ADCY8: variants seen among roughly 807,000 people sequenced by gnomAD.
The protein encoded by ADCY8 is adenylate cyclase 8.
In ADCY8, 51 loss-of-function variants were observed where a neutral mutation model predicts 119.7. The observed-to-expected ratio is 0.43, with a 90% CI of 0.34 to 0.54. The LOEUF (loss-of-function observed/expected upper bound fraction) is 0.54. Ranked by LOEUF, ADCY8 falls within the 20% of genes least tolerant of loss-of-function variation. The pLI, the probability that ADCY8 is intolerant of heterozygous loss-of-function variation, is 0.03. For synonymous variants in ADCY8, 665 were observed against 651.0 expected, an observed-to-expected ratio of 1.02 and a Z score of -0.33; for missense variants, 1,383 against 1,598.8, an observed-to-expected ratio of 0.87 and a Z score of 2.30.
At chr8:130,918,014 C>A (rs7831098) in intron 5 of ADCY8, among the ~76,000 whole-genome samples, 61,066 of 151,774 alleles carry the variant, frequency 0.4, 12,617 homozygotes, top group East Asian at 0.6. Context: ...TGGGTTGGGG[C>A]CATCGTTTCT....
intron 4 of ADCY8, among the ~76,000 whole-genome samples, chr8:130,941,052 A>G (rs72714481): frequency 0.091 from 13,853 of 152,302 alleles, 682 homozygotes; most frequent in African/African-American, 0.1. Context: ...AGACTCTCAA[A>G]GCAAAAACAT....
intron 9 of ADCY8, among the ~76,000 whole-genome samples, chr8:130,854,814 C>T (rs148005220): frequency 0.073 from 7,826 of 107,064 alleles, 334 homozygotes; most frequent in Middle Eastern, 0.14. Flanking sequence ...TCCCTCCCTC[C>T]CTCCCTCCCT....
At chr8:130,887,963 A>T (rs1819050058) in intron 7 of ADCY8, among the ~76,000 whole-genome samples, 1 of 152,162 alleles carries the variant, frequency 6.6e-6, no homozygotes, top group Non-Finnish European at 1.5e-5. Context: ...GTCATACTGG[A>T]ATGAGCTATT....
intron 12 of ADCY8, among the ~76,000 whole-genome samples, chr8:130,827,713 C>A (rs1727421686): frequency 6.6e-6 from 1 of 152,166 alleles, no homozygotes; most frequent in Non-Finnish European, 1.5e-5. Flanking sequence ...CTACCCCAGA[C>A]AATGTAGCTG....
chr8:130,796,799 T>G (rs1403587463), intron 15 of ADCY8, among the ~76,000 whole-genome samples: 4 of 148,206 alleles, frequency 2.7e-5, no homozygotes, highest in Non-Finnish European at 6.0e-5. Context: ...CCTTCTTCTC[T>G]TCATCGCTGC....
At chr8:131,039,109 C>T (rs1824262809) in intron 1 of ADCY8, among the ~76,000 whole-genome samples, 2 of 152,190 alleles carry the variant, frequency 1.3e-5, no homozygotes, top group African/African-American at 4.8e-5. Context: ...AGAAAGCAGA[C>T]TTTCTTAGCT....
chr8:130,953,353 G>A (rs968790447), intron 2 of ADCY8, among the ~76,000 whole-genome samples: 4 of 152,146 alleles, frequency 2.6e-5, no homozygotes, highest in African/African-American at 9.7e-5. Context: ...TTATTTATGG[G>A]TATTAAGCAT....
intron 1 of ADCY8, among the ~76,000 whole-genome samples, chr8:131,034,048 C>T (rs1183184505): frequency 7.2e-5 from 11 of 151,892 alleles, no homozygotes; most frequent in Admixed American, 6.6e-4. Context: ...TTAAGAAATG[C>T]ACACCATAAC....
intron 11 of ADCY8, among the ~76,000 whole-genome samples, chr8:130,846,828 TCCCTCCCCTCC>T (rs1817330785): frequency 8.3e-5 from 5 of 60,474 alleles, no homozygotes; most frequent in Admixed American, 4.1e-4. Context: ...TTTCCTTCCT[TCCCTCCCCTCC>T]CCTTCCTTCC....
At chr8:130,936,072 C>CGTGTGTGTGTGT (rs1563735585) in intron 5 of ADCY8, among the ~76,000 whole-genome samples, 1 of 97,082 alleles carries the variant, frequency 1.0e-5, no homozygotes, top group African/African-American at 4.8e-5. Flanking sequence ...CAAGCACTGA[C>CGTGTGTGTGTGT]ATGTGTGTGT....
intron 1 of ADCY8, among the ~76,000 whole-genome samples, chr8:131,011,909 A>T (rs912875809): frequency 1.3e-5 from 2 of 152,134 alleles, no homozygotes; most frequent in African/African-American, 2.4e-5. Flanking sequence ...ACCCTCCAGG[A>T]CATAGTGGAC....
chr8:130,964,250 C>T (rs1821695136), intron 2 of ADCY8, among the ~76,000 whole-genome samples: 1 of 152,210 alleles, frequency 6.6e-6, no homozygotes, highest in Admixed American at 6.5e-5. Flanking sequence ...AACCCACTCT[C>T]TTCAATCACT....
At chr8:130,813,157 C>G (rs549776248) in intron 14 of ADCY8, among the ~76,000 whole-genome samples, 1 of 152,238 alleles carries the variant, frequency 6.6e-6, no homozygotes, top group East Asian at 1.9e-4. Context: ...CCATCTTGGC[C>G]AGGCTGGTCT....
intron 8 of ADCY8, among the ~76,000 whole-genome samples, chr8:130,871,793 CT>C (rs1242249631): frequency 6.6e-6 from 1 of 152,142 alleles, no homozygotes; most frequent in Non-Finnish European, 1.5e-5. Flanking sequence ...GAAGACCCCA[CT>C]CTCATTATTC....
rs142392830 is a variant in ADCY8, at chr8:131,022,918, T to C, written c.960+16456A>G. ...GAATATGAATTACTAAATGTAAATA[T>C]ACATTTATTTAAATGACCACTCAGC... On this transcript the variant is annotated intron_variant, in intron 1 of 17. Coordinates refer to ENST00000286355, the MANE Select transcript of ADCY8 (RefSeq NM_001115.3). Among the ~76,000 whole-genome samples, 7 of 152,316 alleles carry C rather than the reference T, an allele frequency of 4.6e-5. No individual in the cohort carries two copies. The East Asian group carries it at 1.4e-3, about 29-fold the overall frequency.
chr8:130,893,080 C>A (rs1268292838), intron 7 of ADCY8, among the ~76,000 whole-genome samples: 2 of 152,160 alleles, frequency 1.3e-5, no homozygotes, highest in African/African-American at 4.8e-5. Context: ...ACACTTGGGT[C>A]ATTTTTATAA....
chr8:130,905,833 C>G (rs968609547), intron 6 of ADCY8, among the ~76,000 whole-genome samples: 1 of 152,186 alleles, frequency 6.6e-6, no homozygotes, highest in Non-Finnish European at 1.5e-5. Context: ...GCACTTCATT[C>G]TGGAGGACAA....
chr8:131,002,458 A>G (rs1276914816), intron 1 of ADCY8, among the ~76,000 whole-genome samples: 1 of 152,210 alleles, frequency 6.6e-6, no homozygotes, highest in Non-Finnish European at 1.5e-5. Flanking sequence ...TGCAGAGATA[A>G]GAGGAAGGAC....
chr8:130,921,482 C>A (rs1364561678), intron 5 of ADCY8, among the ~76,000 whole-genome samples: 1 of 111,826 alleles, frequency 8.9e-6, no homozygotes, highest in Non-Finnish European at 1.8e-5. Flanking sequence ...CAGAGTTTTG[C>A]TCTTATTGCC....
Sources: gnomAD v4.1 joint callset for allele counts (sites outside exome capture counted in the v4.1 genomes callset) on GRCh38, gnomAD v4.1.1 for gene constraint, MANE v1.5 for transcripts, NCBI Gene and HGNC (gene_info 2026-07-23, HGNC 2026-07-21) for gene names.